The following CLDN16 variants were observed in gnomAD, a reference collection of about 807,000 sequenced individuals.
CLDN16 encodes claudin 16, also known as claudin-16.
Under a neutral mutation model 24.6 loss-of-function variants are expected in CLDN16, and 13 were observed. The observed-to-expected ratio is 0.53, with a 90% confidence interval of 0.34 to 0.84. The LOEUF is 0.84. Among genes scored for constraint, CLDN16 ranks in the 40% least tolerant of loss-of-function variants. The pLI, the probability that CLDN16 is intolerant of heterozygous loss-of-function variation, is 0.01. For synonymous variants in CLDN16, 116 were observed against 106.7 expected (o/e 1.09, Z -0.54); for missense variants, 298 against 292.7 (o/e 1.02, Z -0.13).
chr3:190,405,036 C>A, intron 3 of CLDN16, 110 bp downstream of exon 3: 1 of 1,101,564 alleles, frequency 9.1e-7, no homozygotes, highest in East Asian at 2.4e-5. Flanking sequence ...ATGTGGCTTC[C>A]CTTTCTAGAT....
intron 3 of CLDN16, among the ~76,000 whole-genome samples, chr3:190,407,164 T>C (rs896610724): frequency 1.6e-4 from 25 of 152,270 alleles, no homozygotes; most frequent in African/African-American, 5.5e-4. Context: ...AGACTACATA[T>C]TTTATTTTAT....
intron 1 of CLDN16, among the ~76,000 whole-genome samples, chr3:190,341,802 C>T (rs140988107): frequency 1.3e-5 from 2 of 152,134 alleles, no homozygotes; most frequent in South Asian, 4.1e-4. Flanking sequence ...TAACAGCACT[C>T]AAGTCACCTC....
chr3:190,407,457 C>T (rs975616170), intron 3 of CLDN16, among the ~76,000 whole-genome samples: 2 of 152,130 alleles, frequency 1.3e-5, no homozygotes, highest in African/African-American at 4.8e-5. Flanking sequence ...TTACTGATTT[C>T]TTGTAATTGC....
chr3:190,397,071 C>A (rs1454921363), intron 1 of CLDN16, among the ~76,000 whole-genome samples: 1 of 152,110 alleles, frequency 6.6e-6, no homozygotes, highest in East Asian at 1.9e-4. Context: ...TTCAGGTACC[C>A]AGAATGACCA....
At chr3:190,337,668 G>A (rs1382476432) in intron 1 of CLDN16, among the ~76,000 whole-genome samples, 1 of 152,134 alleles carries the variant, frequency 6.6e-6, no homozygotes, top group East Asian at 1.9e-4. Flanking sequence ...GATAAAACTG[G>A]ACTGCTCTCA....
At chr3:190,315,407 A>G in the CLDN16 span, among the ~76,000 whole-genome samples, 81 of 152,322 alleles carry the variant, frequency 5.3e-4, no homozygotes, top group African/African-American at 1.9e-3. Flanking sequence ...AACGAAGTTT[A>G]GCAAGGTGGG....
intron 1 of CLDN16, among the ~76,000 whole-genome samples, chr3:190,348,862 T>C (rs1717612483): frequency 6.6e-6 from 1 of 152,194 alleles, no homozygotes; most frequent in South Asian, 2.1e-4. Flanking sequence ...TTTCCCACTA[T>C]GTGGCCATGT....
chr3:190,308,491 TC>T, the CLDN16 span: 1 of 1,553,364 alleles, frequency 6.4e-7, no homozygotes, highest in Non-Finnish European at 8.9e-7. Context: ...TGGCAACTTT[TC>T]TAATATAATA....
upstream of CLDN16, among the ~76,000 whole-genome samples, chr3:190,317,590 T>A (rs1201538734): frequency 6.6e-6 from 1 of 152,224 alleles, no homozygotes; most frequent in African/African-American, 2.4e-5. Flanking sequence ...TACCAGACAT[T>A]GTTTATGCTA....
intron 1 of CLDN16, among the ~76,000 whole-genome samples, chr3:190,366,433 C>A (rs973544727): frequency 6.6e-6 from 1 of 151,840 alleles, no homozygotes; most frequent in African/African-American, 2.4e-5. Flanking sequence ...TTTAAAAAAT[C>A]CCATTTTAAA....
chr3:190,341,968 G>A (rs1717448469), intron 1 of CLDN16, among the ~76,000 whole-genome samples: 1 of 152,084 alleles, frequency 6.6e-6, no homozygotes, highest in African/African-American at 2.4e-5. Flanking sequence ...TTCCCCAAAA[G>A]GTCCTTATTT....
chr3:190,363,379 C>T (rs867369992), intron 1 of CLDN16, among the ~76,000 whole-genome samples: 4 of 151,316 alleles, frequency 2.6e-5, no homozygotes, highest in South Asian at 4.2e-4. Flanking sequence ...TGCTTTACCA[C>T]ATTTTTAATT....
intron 1 of CLDN16, among the ~76,000 whole-genome samples, chr3:190,340,149 A>G (rs778079236): frequency 2.0e-5 from 3 of 152,212 alleles, no homozygotes; most frequent in Non-Finnish European, 4.4e-5. Flanking sequence ...CTTTAGGTAT[A>G]GAAGGAAAGT....
chr3:190,304,413 T>C, the CLDN16 span, among the ~76,000 whole-genome samples: 17 of 152,312 alleles, frequency 1.1e-4, no homozygotes, highest in African/African-American at 4.1e-4. Context: ...GGCCCTGTGA[T>C]AGGTGTCCCG....
chr3:190,408,613 C>A lies in CLDN16; in HGVS notation c.574+108C>A, dbSNP rs751095428. On this transcript the variant is annotated intron_variant, in intron 4 of 4. Coordinates refer to ENST00000264734, the MANE Select transcript of CLDN16 (RefSeq NM_006580.4). ...AAAATGTTATTTATTTGAATTCCTACCTATTGCCATTAAAAATTCCAATTG... is the reference window on the plus strand; with the variant it reads ...AAAATGTTATTTATTTGAATTCCTAACTATTGCCATTAAAAATTCCAATTG... 35 of 1,028,202 alleles carry A rather than the reference C, an allele frequency of 3.4e-5. No individual in the cohort carries two copies. The Middle Eastern group carries it at 1.2e-3, about 34-fold the overall frequency. 63.7% of individuals were successfully genotyped at this position (1,028,202 alleles called of 1,614,324 possible).
At chr3:190,392,541 A>G (rs1237359135) in intron 1 of CLDN16, among the ~76,000 whole-genome samples, 1 of 152,146 alleles carries the variant, frequency 6.6e-6, no homozygotes, top group Admixed American at 6.5e-5. Flanking sequence ...CAAATAGGTG[A>G]ACCGACAGTT....
chr3:190,390,967 T>C (rs1718643010), intron 1 of CLDN16, among the ~76,000 whole-genome samples: 1 of 152,044 alleles, frequency 6.6e-6, no homozygotes, highest in African/African-American at 2.4e-5. Flanking sequence ...AAAAATTTTT[T>C]GTAAGAACAA....
intron 1 of CLDN16, among the ~76,000 whole-genome samples, chr3:190,336,022 T>C (rs562884816): frequency 3.4e-4 from 52 of 152,202 alleles, no homozygotes; most frequent in Non-Finnish European, 7.5e-4. Flanking sequence ...TACAGTGTCT[T>C]TGGCATTTGA....
At chr3:190,359,117 A>G (rs1439283084) in intron 1 of CLDN16, among the ~76,000 whole-genome samples, 2 of 152,044 alleles carry the variant, frequency 1.3e-5, no homozygotes, top group African/African-American at 2.4e-5. Context: ...TGTTTTCTGT[A>G]TATAAATTAA....
Sources: gnomAD v4.1 joint callset for allele counts (sites outside exome capture counted in the v4.1 genomes callset) on GRCh38, gnomAD v4.1.1 for gene constraint, MANE v1.5 for transcripts, NCBI Gene and HGNC (gene_info 2026-07-23, HGNC 2026-07-21) for gene names.